SELENOT: variants seen among roughly 807,000 people sequenced by gnomAD.
SELENOT encodes the protein thioredoxin reductase-like selenoprotein T.
Under a neutral mutation model 24.3 loss-of-function variants are expected in SELENOT, and 9 were observed. That is an observed-to-expected ratio of 0.37 (90% CI 0.22 to 0.65). The LOEUF is 0.65. Among genes scored for constraint, SELENOT ranks in the 30% least tolerant of loss-of-function variants. The probability of loss-of-function intolerance (pLI) is 0.60; values close to 1 mark genes in which losing one functional copy is unlikely to be tolerated. For missense variants in SELENOT, 166 were observed against 247.6 expected (o/e 0.67, Z 2.21); for synonymous variants, 81 against 86.0 (o/e 0.94, Z 0.32).
Position 150,623,073 on chromosome 3 carries a change from A to T in SELENOT, c.279A>T (p.Lys93Asn). The T allele has an allele frequency of 1.3e-6, 2 of 1,590,464 alleles. No homozygotes were observed. The highest frequency in any genetic ancestry group is 1.7e-6 in the Non-Finnish European group (2 of 1,169,638). Reference protein sequence around the residue: ...RHIASFLSVFKLVLIGLIIVG... With the variant: ...RHIASFLSVFNLVLIGLIIVG... ...TAGCATCTTTCCTGTCAGTCTTCAA[A>T]CTAGTATTAATAGGCTTAATAATTG... The change falls in exon 3 of 6, where the codon AAA becomes AAT. Residue 93 changes from lysine to asparagine, a missense_variant. Lys to Asn is a moderately conservative substitution (Grantham distance 94). Coordinates refer to ENST00000471696, the MANE Select transcript of SELENOT (RefSeq NM_016275.5).
intron 1 of SELENOT, 36 bp downstream of exon 1, chr3:150,603,535 C>T (rs1559894119): frequency 6.5e-7 from 1 of 1,544,686 alleles, no homozygotes; most frequent in South Asian, 1.2e-5. Context: ...CACCCCGCCG[C>T]GCCTCTGCTC....
In SELENOT at chr3:150,629,798, AATAAT is replaced by A. The variant is rs954634654; in HGVS notation, c.*2174_*2178del. The A allele has an allele frequency of 4.6e-5, 7 of 152,792 alleles. No individual in the cohort carries two copies. Among genetic ancestry groups the A allele is most frequent in the African/African-American group, 1.4e-4 (6 of 41,596 alleles). 9.5% of individuals were successfully genotyped at this position (152,792 alleles called of 1,614,324 possible). A position where few individuals can be genotyped will look rare whatever the true frequency, so the allele number is the denominator to read the frequency against. ...GAGTGGGAAGAATGAATATAAAAGTAATAATATAAGGAAAAAGGGAAAGTAAACTA... is the reference window on the plus strand; with the variant it reads ...GAGTGGGAAGAATGAATATAAAAGTAATAAGGAAAAAGGGAAAGTAAACTA... On this transcript the variant is annotated 3_prime_UTR_variant, in exon 6 of 6. Coordinates refer to ENST00000471696, the MANE Select transcript of SELENOT (RefSeq NM_016275.5).
At chr3:150,611,714 C>T (rs2108007142) in intron 1 of SELENOT, 2 of 1,592,206 alleles carry the variant, frequency 1.3e-6, no homozygotes, top group African/African-American at 1.3e-5. Context: ...CCTCCGCAGG[C>T]AGCACAGTTG....
chr3:150,605,901 T>C (rs1725951536), intron 1 of SELENOT, among the ~76,000 whole-genome samples: 1 of 152,196 alleles, frequency 6.6e-6, no homozygotes, highest in South Asian at 2.1e-4. Context: ...AAATGCAGCT[T>C]TTCATTAATT....
At chr3:150,611,648 C>T (rs892228922) in intron 1 of SELENOT, 33 of 1,592,636 alleles carry the variant, frequency 2.1e-5, no homozygotes, top group Non-Finnish European at 2.8e-5. Context: ...ATATGCTCTT[C>T]TGGATCCTCT....
chr3:150,604,518 G>A (rs140339554), intron 1 of SELENOT, among the ~76,000 whole-genome samples: 1 of 152,190 alleles, frequency 6.6e-6, no homozygotes, highest in East Asian at 1.9e-4. Context: ...TGTTGGTGTT[G>A]GACATCATTC....
chr3:150,615,688 G>T (rs1726196604), intron 1 of SELENOT, among the ~76,000 whole-genome samples: 1 of 152,060 alleles, frequency 6.6e-6, no homozygotes, highest in Non-Finnish European at 1.5e-5. Context: ...CACTGCTCAA[G>T]GAAATAAAAG....
At chr3:150,606,129 T>TC (rs1232391136) in intron 1 of SELENOT, among the ~76,000 whole-genome samples, 2 of 150,546 alleles carry the variant, frequency 1.3e-5, no homozygotes, top group African/African-American at 2.4e-5. Context: ...ATTCTCGTTT[T>TC]TTTTTTTCCT....
intron 1 of SELENOT, among the ~76,000 whole-genome samples, chr3:150,607,341 T>C (rs547978636): frequency 6.6e-6 from 1 of 152,314 alleles, no homozygotes; most frequent in African/African-American, 2.4e-5. Context: ...GACCTAAGGT[T>C]GATTTGGATG....
At chr3:150,613,153 A>G (rs1176796255) in intron 1 of SELENOT, among the ~76,000 whole-genome samples, 6 of 152,236 alleles carry the variant, frequency 3.9e-5, no homozygotes. Flanking sequence ...TTTCTTTCTC[A>G]TAGTTCTGGA....
chr3:150,615,314 C>T (rs1413283074), intron 1 of SELENOT, among the ~76,000 whole-genome samples: 5 of 151,386 alleles, frequency 3.3e-5, no homozygotes, highest in South Asian at 2.1e-4. Context: ...TGAATAATGC[C>T]GCAATAAACA....
intron 4 of SELENOT, among the ~76,000 whole-genome samples, chr3:150,625,845 G>T (rs1330957947): frequency 6.6e-6 from 1 of 150,968 alleles, no homozygotes; most frequent in Non-Finnish European, 1.5e-5. Flanking sequence ...CAGAAAAATT[G>T]ACCAATATCT....
intron 1 of SELENOT, among the ~76,000 whole-genome samples, chr3:150,615,112 G>A (rs1303179966): frequency 5.6e-5 from 8 of 143,836 alleles, no homozygotes; most frequent in South Asian, 2.2e-4. Context: ...GAGAATATGC[G>A]GTGTTTGGTT....
chr3:150,620,607 G>A (rs1286281368), intron 1 of SELENOT, among the ~76,000 whole-genome samples: 1 of 152,134 alleles, frequency 6.6e-6, no homozygotes, highest in Non-Finnish European at 1.5e-5. Flanking sequence ...GAAAAGTCAC[G>A]TTATCTCTCT....
intron 1 of SELENOT, among the ~76,000 whole-genome samples, chr3:150,605,239 G>C (rs887507073): frequency 2.0e-5 from 3 of 152,088 alleles, no homozygotes; most frequent in African/African-American, 7.2e-5. Flanking sequence ...AAAAATTGCA[G>C]TTTTCAAATT....
In SELENOT at chr3:150,628,851, C is replaced by T. The variant is rs1037865876; in HGVS notation, c.*1222C>T. 9.2e-5 allele frequency: 14 copies of T among 152,016 alleles called. No homozygotes were observed. Among genetic ancestry groups the T allele is most frequent in the African/African-American group, 3.4e-4 (14 of 41,400 alleles). 9.4% of individuals were successfully genotyped at this position (152,016 alleles called of 1,614,324 possible). On this transcript the variant is annotated 3_prime_UTR_variant, in exon 6 of 6. Transcript: ENST00000471696. ...CATATAGGAATAGAAGTGGTAGAGCCAAAAGTGATTTAGGAAAAGTTATAA... is the reference window on the plus strand; with the variant it reads ...CATATAGGAATAGAAGTGGTAGAGCTAAAAGTGATTTAGGAAAAGTTATAA...
At chr3:150,617,507 G>A (rs1204545170) in intron 1 of SELENOT, among the ~76,000 whole-genome samples, 3 of 152,164 alleles carry the variant, frequency 2.0e-5, no homozygotes, top group Middle Eastern at 3.2e-3. Flanking sequence ...GACTGAGGCA[G>A]AAGGATTGCT....
chr3:150,625,866 A>G (rs2108015361), intron 4 of SELENOT, among the ~76,000 whole-genome samples: 1 of 146,776 alleles, frequency 6.8e-6, no homozygotes, highest in African/African-American at 2.5e-5. Flanking sequence ...GTTCTAAACA[A>G]TAACTTTTTT....
chr3:150,611,356 A>G, intron 1 of SELENOT: 3 of 1,189,912 alleles, frequency 2.5e-6, no homozygotes, highest in South Asian at 2.5e-5. Flanking sequence ...ACTCACTGGA[A>G]TAGACCTAAA....
Sources: gnomAD v4.1 joint callset for allele counts (sites outside exome capture counted in the v4.1 genomes callset) on GRCh38, gnomAD v4.1.1 for gene constraint, MANE v1.5 for transcripts, NCBI Gene and HGNC (gene_info 2026-07-23, HGNC 2026-07-21) for gene names.